ROBO3: variants seen among roughly 807,000 people sequenced by gnomAD.
ROBO3 encodes roundabout homolog 3.
A neutral mutation model predicts 160.5 loss-of-function variants in ROBO3; 97 were observed. That is an observed-to-expected ratio of 0.60 (90% CI 0.51 to 0.72). ROBO3 has a LOEUF of 0.72. ROBO3 is among the 30% of genes least tolerant of loss of function. The pLI is 0.00. For missense variants in ROBO3, 1,858 were observed against 1,846.5 expected (o/e 1.01, Z -0.11); for synonymous variants, 780 against 746.2 (o/e 1.05, Z -0.74).
chr11:124,870,853 C>A (rs1429981345), intron 6 of ROBO3, 125 bp downstream of exon 6: 2 of 1,518,150 alleles, frequency 1.3e-6, no homozygotes, highest in Middle Eastern at 1.7e-4. Context: ...GAGACTTCTG[C>A]AAGGAGTGGG....
Position 124,878,691 on chromosome 11 carries a change from C to G in ROBO3, c.3428C>G (p.Ser1143Cys). The change falls in exon 23 of 28, where the codon TCT becomes TGT. Residue 1143 changes from serine (S) to cysteine (C), a missense_variant. Physicochemically the swap from Ser to Cys is moderately radical, Grantham distance 112. Coordinates refer to ENST00000397801, the MANE Select transcript of ROBO3 (RefSeq NM_022370.4). This position sits in a 1 kb window ranked among gnomAD's most constrained non-coding sequence, Gnocchi z 4.3. The part of the protein sequence containing the change: ...LVTPSRRETP[S>C]PTPSYGQQST... The stretch of plus-strand genomic sequence containing the variant: ...ACCCCATCCCGAAGGGAAACCCCCT[C>G]TCCCACACCTTCCTATGGACAGCAG... The G allele has an allele frequency of 1.2e-6, 2 of 1,613,860 alleles. No homozygotes were observed. Among genetic ancestry groups the G allele is most frequent in the Non-Finnish European group, 8.5e-7 (1 of 1,179,830 alleles).
intron 25 of ROBO3, 43 bp from the exon 26 acceptor site, chr11:124,879,744 C>A: frequency 2.5e-6 from 4 of 1,608,784 alleles, no homozygotes; most frequent in Non-Finnish European, 3.4e-6. Context: ...AGATTAGTGA[C>A]AGGAGTGGCA....
chr11:124,867,775 T>A (rs1591507208), intron 1 of ROBO3, among the ~76,000 whole-genome samples: 1 of 87,052 alleles, frequency 1.1e-5, no homozygotes, highest in Non-Finnish European at 2.2e-5. Context: ...TGGAACAGGG[T>A]AGGAAGGGGG....
In ROBO3 at chr11:124,873,061, A is replaced by T; in HGVS notation, c.1508A>T (p.Asn503Ile). 1.9e-6 allele frequency: 3 copies of T among 1,613,866 alleles called. No individual in the cohort carries two copies. Among genetic ancestry groups the T allele is most frequent in the Non-Finnish European group, 2.5e-6 (3 of 1,179,810 alleles). Reference sequence around the variant, plus strand: ...GACCTCCAGTTCAAGACAATGGCCAACGGTACCCTGTACATCGCCAATGTG... The same window carrying T: ...GACCTCCAGTTCAAGACAATGGCCATCGGTACCCTGTACATCGCCAATGTG... ...GDDLQFKTMA[N>I]GTLYIANVQE... Residue 503 changes from asparagine (N) to isoleucine (I), a missense_variant, in exon 9 of 28, where the codon AAC becomes ATC. Asn to Ile is a moderately radical substitution (Grantham distance 149). Transcript: ENST00000397801. This position sits in a 1 kb window ranked among gnomAD's most constrained non-coding sequence, Gnocchi z 4.5.
rs943627396 is a variant in ROBO3 at position 124,880,529 on chromosome 11, G to C, written c.4070G>C (p.Gly1357Ala). The C allele has an allele frequency of 3.2e-6, 5 of 1,569,444 alleles. No homozygotes were observed. The highest frequency in any genetic ancestry group is 3.7e-5 in the Admixed American group (2 of 54,320). Residue 1357 changes from glycine to alanine, a missense_variant, in exon 27 of 28, where the codon GGC (glycine) becomes GCC (alanine). Coordinates refer to ENST00000397801, the MANE Select transcript of ROBO3 (RefSeq NM_022370.4). ...TCCAGGGGCTCCAGCAGCTCTAGGG[G>C]CTCCCGGGGCCCTGGCCGGAGCCGG... ...NSSRGSSSSR[G>A]SRGPGRSRSR...
rs1946383040 is a variant in ROBO3, at chr11:124,876,555, G to C, written c.2779+95G>C. 6 of 1,127,962 alleles carry C rather than the reference G, an allele frequency of 5.3e-6. No homozygotes were observed. The highest frequency in any genetic ancestry group is 4.6e-6 in the Non-Finnish European group (4 of 863,630). The allele number at this position is 1,127,962 out of a possible 1,614,324, so 69.9% of individuals were successfully genotyped here. A position where few individuals can be genotyped will look rare whatever the true frequency, so the allele number is the denominator to read the frequency against. ...TTAGCCGCTGGCGAGTGAGGACCGG[G>C]TCGGGAGAAAGGGGTCGCACCTGGA... On this transcript the variant is annotated intron_variant, in intron 17 of 27. Coordinates refer to ENST00000397801, the MANE Select transcript of ROBO3 (RefSeq NM_022370.4). This position sits in a 1 kb window ranked among gnomAD's most constrained non-coding sequence, Gnocchi z 5.3.
At chr11:124,866,386 G>C (rs1350215990) in intron 1 of ROBO3, among the ~76,000 whole-genome samples, 1 of 152,204 alleles carries the variant, frequency 6.6e-6, no homozygotes, top group Admixed American at 6.5e-5. Context: ...GGGACAGCGC[G>C]CTCTCCCCTA....
At chr11:124,870,825 C>T in intron 6 of ROBO3, 97 bp downstream of exon 6, 1 of 1,547,632 alleles carries the variant, frequency 6.5e-7, no homozygotes, top group Non-Finnish European at 8.8e-7. Flanking sequence ...CAGAGAAGGG[C>T]ATGTGGATGG....
intron 5 of ROBO3, 49 bp downstream of exon 5, chr11:124,870,352 C>A (rs1452168654): frequency 6.3e-6 from 10 of 1,577,136 alleles, no homozygotes; most frequent in African/African-American, 4.1e-5. Context: ...GATCAAGAGA[C>A]TATTCTGCCC....
In ROBO3 at chr11:124,869,032, G is replaced by T. The variant is rs777244046; in HGVS notation, c.391G>T (p.Gly131Trp). 6.2e-6 allele frequency: 10 copies of T among 1,602,220 alleles called. No individual in the cohort carries two copies. Among genetic ancestry groups the T allele is most frequent in the East Asian group, 4.5e-5 (2 of 44,356 alleles). ...CCTCTTCTTCCCGCGCATCGTGCAC[G>T]GGCGCCGCGCGCGGCCGGACGAAGG... is the stretch of plus-strand genomic sequence containing the variant. ...GALFFPRIVH[G>W]RRARPDEGVY... The change falls in exon 2 of 28, where the codon GGG (glycine) becomes TGG (tryptophan). Residue 131 changes from glycine to tryptophan, a missense_variant. Transcript: ENST00000397801. The surrounding 1 kb of genome is among the most constrained non-coding windows in gnomAD (Gnocchi z 4.2).
intron 27 of ROBO3, 116 bp downstream of exon 27, chr11:124,880,724 G>A (rs1053134625): frequency 2.9e-6 from 4 of 1,386,260 alleles, no homozygotes; most frequent in Non-Finnish European, 3.8e-6. Context: ...AAAAGGAGGG[G>A]ATCGAGAGGG....
Position 124,878,448 on chromosome 11 carries a change from C to G in ROBO3, c.3320+12C>G. 6.2e-7 allele frequency: 1 copy of G among 1,611,034 alleles called. No homozygotes were observed. Reference sequence around the variant, plus strand: ...GAGCTGGAGGGCAGGTAGAGATGCTCCCTGCTTCCAGGCCCACACACCTGC... The same window carrying G: ...GAGCTGGAGGGCAGGTAGAGATGCTGCCTGCTTCCAGGCCCACACACCTGC... On this transcript the variant is annotated intron_variant, in intron 22 of 27. Transcript: ENST00000397801. The surrounding 1 kb of genome is among the most constrained non-coding windows in gnomAD (Gnocchi z 4.3).
rs562638179 is a variant in ROBO3 at position 124,879,571 on chromosome 11, T to A, written c.3792T>A (p.Pro1264=). 4.3e-4 allele frequency: 699 copies of A among 1,610,904 alleles called. 8 individuals carry two copies. In the South Asian group the frequency reaches 7.4e-3, roughly 17 times the overall value. ...KALPYRRENS[P]GDLPPPPLPP... is the part of the protein sequence containing the mutation. ...TTCCCTACAGGAGGGAGAACAGTCC[T>A]GGGGGTGAGGGGGGATGCACCTGGG... Residue 1264 remains proline, a synonymous_variant, in exon 25 of 28, where the codon CCT becomes CCA. Transcript: ENST00000397801.
chr11:124,869,429 G>GCCGGGC lies in ROBO3; in HGVS notation c.488-19_488-18insGGGCCC. The GCCGGGC allele has an allele frequency of 7.7e-7, 1 of 1,295,764 alleles. No homozygotes were observed. The highest frequency in any genetic ancestry group is 1.1e-6 in the Non-Finnish European group (1 of 929,942). The allele number at this position is 1,295,764 out of a possible 1,614,324, so 80.3% of individuals were successfully genotyped here. On this transcript the variant is annotated intron_variant, in intron 2 of 27. Transcript: ENST00000397801. The surrounding 1 kb of genome is among the most constrained non-coding windows in gnomAD (Gnocchi z 4.2). ...TGTCACTCTACACCCTGCTTATTTC[G>GCCGGGC]CCCCCCACCGCCCCGCCCAGTCCTC...
chr11:124,867,150 C>A (rs2135322594), intron 1 of ROBO3, among the ~76,000 whole-genome samples: 1 of 152,202 alleles, frequency 6.6e-6, no homozygotes, highest in Middle Eastern at 3.4e-3. Flanking sequence ...ATTTCCATTA[C>A]ACCTGAGGGC....
In ROBO3 at chr11:124,876,708, C is replaced by T; in HGVS notation, c.2779+248C>T. On this transcript the variant is annotated intron_variant, in intron 17 of 27. Coordinates refer to ENST00000397801, the MANE Select transcript of ROBO3 (RefSeq NM_022370.4). This position sits in a 1 kb window ranked among gnomAD's most constrained non-coding sequence, Gnocchi z 5.3. ...TGCCTCTAAGACGCCACGAGGAGGC[C>T]AGGCTTTGCAACCATCTCCATAAAG... 4.2e-6 allele frequency: 2 copies of T among 473,956 alleles called. No homozygotes were observed. Among genetic ancestry groups the T allele is most frequent in the Non-Finnish European group, 7.3e-6 (2 of 272,692 alleles). The allele number at this position is 473,956 out of a possible 1,614,324, so 29.4% of individuals were successfully genotyped here. A position where few individuals can be genotyped will look rare whatever the true frequency, so the allele number is the denominator to read the frequency against.
intron 25 of ROBO3, 40 bp downstream of exon 25, chr11:124,879,615 CG>C (rs1946508943): frequency 1.7e-5 from 26 of 1,554,898 alleles, no homozygotes; most frequent in Middle Eastern, 1.7e-4. Flanking sequence ...ACAGTAGTGG[CG>C]GGGGGATAGG....
Position 124,876,515 on chromosome 11 carries a change from G to C in ROBO3, c.2779+55G>C. 2 of 1,320,176 alleles carry C rather than the reference G, an allele frequency of 1.5e-6. No homozygotes were observed. Among genetic ancestry groups the C allele is most frequent in the Non-Finnish European group, 1.9e-6 (2 of 1,029,902 alleles). 81.8% of individuals were successfully genotyped at this position (1,320,176 alleles called of 1,614,324 possible). A position where few individuals can be genotyped will look rare whatever the true frequency, so the allele number is the denominator to read the frequency against. On this transcript the variant is annotated intron_variant, in intron 17 of 27. Transcript: ENST00000397801. The surrounding 1 kb of genome is among the most constrained non-coding windows in gnomAD (Gnocchi z 5.3). The stretch of plus-strand genomic sequence containing the variant: ...CCGGGAGGGAGCCAGGCGGCCCATG[G>C]GGAGGGGCAGGGGCTTAGCCGCTGG...
chr11:124,878,737 C>T lies in ROBO3; in HGVS notation c.3474C>T (p.Pro1158=). Residue 1158 remains proline, a synonymous_variant, in exon 23 of 28, where the codon CCC becomes CCT. Coordinates refer to ENST00000397801, the MANE Select transcript of ROBO3 (RefSeq NM_022370.4). This position sits in a 1 kb window ranked among gnomAD's most constrained non-coding sequence, Gnocchi z 4.3. Reference sequence around the variant, plus strand: ...AGCAGTCCACAGCCACTCTTACACCCTCACCTCCTGACCCTCCCCAGCCCC... The same window carrying T: ...AGCAGTCCACAGCCACTCTTACACCTTCACCTCCTGACCCTCCCCAGCCCC... ...YGQQSTATLT[P]SPPDPPQPPT... The T allele has an allele frequency of 6.2e-7, 1 of 1,613,906 alleles. No homozygotes were observed. The highest frequency in any genetic ancestry group is 8.5e-7 in the Non-Finnish European group (1 of 1,179,864).
Sources: gnomAD v4.1 joint callset for allele counts (sites outside exome capture counted in the v4.1 genomes callset) on GRCh38, gnomAD v4.1.1 for gene constraint, Gnocchi (gnomAD v3.1) non-coding constraint, MANE v1.5 for transcripts, NCBI Gene and HGNC (gene_info 2026-07-23, HGNC 2026-07-21) for gene names.